MYCBP2: variants seen among roughly 807,000 people sequenced by gnomAD.
The protein encoded by MYCBP2 is E3 ubiquitin-protein ligase MYCBP2.
In MYCBP2, 120 loss-of-function variants were observed where a neutral mutation model predicts 525.3. That is an observed-to-expected ratio of 0.23 (90% confidence interval 0.20 to 0.27). The LOEUF is 0.27. MYCBP2 is among the 10% of genes least tolerant of loss of function. MYCBP2 has a pLI of 1.00. For missense variants in MYCBP2, 4,149 were observed against 5,657.1 expected, an observed-to-expected ratio of 0.73 and a Z score of 8.55; for synonymous variants, 1,894 against 1,955.8, an observed-to-expected ratio of 0.97 and a Z score of 0.83.
chr13:77,087,875 G>C (rs1052974277), intron 61 of MYCBP2: 3 of 301,882 alleles, frequency 9.9e-6, no homozygotes, highest in Admixed American at 4.6e-5. Context: ...CAAGCACCCA[G>C]GCACAAATGA....
At chr13:77,224,327 A>G in intron 20 of MYCBP2, 124 bp downstream of exon 20, 1 of 658,726 alleles carries the variant, frequency 1.5e-6, no homozygotes, top group Non-Finnish European at 2.6e-6. Context: ...TTTGCAAAGC[A>G]GTGGTATAAT....
At chr13:77,136,691 CCCCCTAA>C in intron 52 of MYCBP2, among the ~76,000 whole-genome samples, 1 of 152,258 alleles carries the variant, frequency 6.6e-6, no homozygotes, top group Middle Eastern at 3.4e-3. Context: ...CATTTCTCAA[CCCCCTAA>C]CTTAACTCAT....
At chr13:77,071,237 G>GTGTA (rs146458777) in intron 68 of MYCBP2, among the ~76,000 whole-genome samples, 65,893 of 149,932 alleles carry the variant, frequency 0.44, 18,178 homozygotes, top group Non-Finnish European at 0.62. Flanking sequence ...ATATGTGTGT[G>GTGTA]TATATATATA....
intron 52 of MYCBP2, among the ~76,000 whole-genome samples, chr13:77,133,374 A>C (rs1428755783): frequency 6.6e-6 from 1 of 152,230 alleles, no homozygotes. Context: ...AAATGCAAAG[A>C]ACTAAAATTA....
intron 8 of MYCBP2, among the ~76,000 whole-genome samples, chr13:77,265,726 T>C (rs928941238): frequency 3.9e-5 from 6 of 152,162 alleles, no homozygotes; most frequent in African/African-American, 1.4e-4. Flanking sequence ...AAAAGTGCTA[T>C]TGGATGAAAA....
In MYCBP2 at chr13:77,081,243, C is replaced by T; in HGVS notation, c.11418+184G>A. 5 of 580,424 alleles carry T rather than the reference C, an allele frequency of 8.6e-6. No homozygotes were observed. Among genetic ancestry groups the T allele is most frequent in the Non-Finnish European group, 1.5e-5 (5 of 331,516 alleles). The allele number at this position is 580,424 out of a possible 1,614,324, so 36.0% of individuals were successfully genotyped here. A position where few individuals can be genotyped will look rare whatever the true frequency, so the allele number is the denominator to read the frequency against. On this transcript the variant is annotated intron_variant, in intron 65 of 82. Coordinates refer to ENST00000544440, the MANE Select transcript of MYCBP2 (RefSeq NM_015057.5). This position sits in a 1 kb window ranked among gnomAD's most constrained non-coding sequence, Gnocchi z 4.6. Reference sequence around the variant, plus strand: ...CAGACCTCTTTTCAGAAATGGAATTCCACAGTGCTCCCAATCATATTAATT... The same window carrying T: ...CAGACCTCTTTTCAGAAATGGAATTTCACAGTGCTCCCAATCATATTAATT...
chr13:77,075,964 T>C (rs560491270), intron 68 of MYCBP2: 8 of 152,350 alleles, frequency 5.3e-5, no homozygotes, highest in African/African-American at 1.9e-4. Context: ...GGGAAATCCT[T>C]GAAATTTATC....
rs1166728713 is a variant in MYCBP2 at position 77,158,115 on chromosome 13, A to C, written c.6598-6T>G. ...CCAGAATGGGTTTTGCACACCTGTT[A>C]AGTAAAAAAGAATATTTATATATTC... On this transcript the variant is annotated splice_polypyrimidine_tract_variant and splice_region_variant and intron_variant, in intron 44 of 82. Transcript: ENST00000544440. 1 of 1,531,360 alleles carries C rather than the reference A, an allele frequency of 6.5e-7. No homozygotes were observed. 94.9% of individuals were successfully genotyped at this position (1,531,360 alleles called of 1,614,324 possible). A position where few individuals can be genotyped will look rare whatever the true frequency, so the allele number is the denominator to read the frequency against.
intron 77 of MYCBP2, among the ~76,000 whole-genome samples, chr13:77,059,194 G>T (rs1423612160): frequency 1.3e-5 from 2 of 151,986 alleles, no homozygotes. Flanking sequence ...CTTAGATGTT[G>T]AAAATGTATT....
chr13:77,251,392 T>A (rs2071178794), intron 14 of MYCBP2, 37 bp from the exon 15 acceptor site: 2 of 1,540,844 alleles, frequency 1.3e-6, no homozygotes, highest in Non-Finnish European at 1.8e-6. Context: ...TTATACAGGT[T>A]ACTTTCATGT....
intron 1 of MYCBP2, among the ~76,000 whole-genome samples, chr13:77,308,913 T>G (rs187394442): frequency 6.6e-6 from 1 of 152,230 alleles, no homozygotes; most frequent in Admixed American, 6.5e-5. Context: ...GGAAAGTTTT[T>G]CTGAAGGCAT....
chr13:77,254,969 T>C (rs2071909191), intron 14 of MYCBP2, among the ~76,000 whole-genome samples: 1 of 152,070 alleles, frequency 6.6e-6, no homozygotes, highest in Non-Finnish European at 1.5e-5. Context: ...CTATTGTGTA[T>C]GTACCACATT....
chr13:77,054,730 A>G (rs2037541111), intron 80 of MYCBP2, among the ~76,000 whole-genome samples: 1 of 151,810 alleles, frequency 6.6e-6, no homozygotes, highest in South Asian at 2.1e-4. Context: ...TCCCCCAAGT[A>G]GCTGGGACTA....
chr13:77,055,344 T>C (rs2037731517), intron 80 of MYCBP2, among the ~76,000 whole-genome samples: 1 of 152,168 alleles, frequency 6.6e-6, no homozygotes, highest in Non-Finnish European at 1.5e-5. Context: ...AAATACTGCA[T>C]GTTTCGAAAA....
intron 4 of MYCBP2, among the ~76,000 whole-genome samples, chr13:77,275,104 A>G (rs2075371946): frequency 6.6e-6 from 1 of 152,180 alleles, no homozygotes; most frequent in Non-Finnish European, 1.5e-5. Context: ...CAACTATTCT[A>G]CACTAGGGTA....
chr13:77,318,275 T>C (rs1236511922), intron 1 of MYCBP2, among the ~76,000 whole-genome samples: 1 of 152,182 alleles, frequency 6.6e-6, no homozygotes, highest in Non-Finnish European at 1.5e-5. Context: ...ACCCTTTTAT[T>C]GGGCCCATGC....
At chr13:77,147,623 C>T (rs1363030274) in intron 47 of MYCBP2, among the ~76,000 whole-genome samples, 1 of 152,020 alleles carries the variant, frequency 6.6e-6, no homozygotes, top group African/African-American at 2.4e-5. Flanking sequence ...ACTTTACCTA[C>T]TCAAAAGTTA....
chr13:77,050,443 G>A (rs2036552059), intron 82 of MYCBP2, among the ~76,000 whole-genome samples: 1 of 151,948 alleles, frequency 6.6e-6, no homozygotes, highest in South Asian at 2.1e-4. Flanking sequence ...GTTGCCACTA[G>A]CCTCCTGTCC....
intron 1 of MYCBP2, among the ~76,000 whole-genome samples, chr13:77,317,447 G>A (rs1014548644): frequency 2.6e-5 from 4 of 152,288 alleles, no homozygotes; most frequent in South Asian, 2.1e-4. Flanking sequence ...GATGCTATGC[G>A]GAGCCACTCC....
Sources: allele counts gnomAD v4.1 joint callset (sites outside exome capture counted in the v4.1 genomes callset), GRCh38; gene constraint gnomAD v4.1.1; non-coding constraint Gnocchi (gnomAD v3.1); transcripts MANE v1.5; gene names NCBI Gene and HGNC (gene_info 2026-07-23, HGNC 2026-07-21).